Variants in RHBDD1 observed in about 807,000 individuals in gnomAD.
RHBDD1 encodes rhomboid domain containing 1, also known as rhomboid-related protein 4.
In RHBDD1, 38 loss-of-function variants were observed where a neutral mutation model predicts 36.3. The observed-to-expected ratio is 1.05, with a 90% CI of 0.81 to 1.37. The LOEUF is 1.37. Ranked by LOEUF, RHBDD1 falls within the 40% of genes most tolerant of loss-of-function variation. RHBDD1 has a pLI of 0.00. For missense variants in RHBDD1, 393 were observed against 377.6 expected (o/e 1.04, Z -0.34); for synonymous variants, 151 against 136.5 (o/e 1.11, Z -0.74).
rs1420792037 is a variant in RHBDD1 at position 226,914,270 on chromosome 2, A to G, written c.775A>G (p.Arg259Gly). Residue 259 changes from arginine to glycine, a missense_variant, in exon 8 of 9, where the codon AGG becomes GGG. Coordinates refer to ENST00000392062, the MANE Select transcript of RHBDD1 (RefSeq NM_001167608.3). Reference sequence around the variant, plus strand: ...GCCAGATCACTATGAAGAAGCACCCAGGAACTATGACACGTACACAGCAGG... The same window carrying G: ...GCCAGATCACTATGAAGAAGCACCCGGGAACTATGACACGTACACAGCAGG... Reference protein sequence around the residue: ...GRPDHYEEAPRNYDTYTAGLS... With the variant: ...GRPDHYEEAPGNYDTYTAGLS... The G allele has an allele frequency of 6.2e-7, 1 of 1,613,792 alleles. No homozygotes were observed. The highest frequency in any genetic ancestry group is 1.3e-5 in the African/African-American group (1 of 74,926).
Position 226,867,319 on chromosome 2 carries a change from G to GT in RHBDD1, c.566+2dup, listed in dbSNP as rs771923516. The GT allele has an allele frequency of 1.2e-6, 2 of 1,610,522 alleles. No individual in the cohort carries two copies. The highest frequency in any genetic ancestry group is 2.7e-5 in the African/African-American group (2 of 74,806). ...TGGCTATTCATTTATTCTCACCAGG[G>GT]TAAGTGTTTTCTTTTGGGGAATACA... On this transcript the variant is annotated splice_donor_variant, in intron 5 of 8. Transcript: ENST00000392062. LOFTEE classifies it high-confidence loss of function.
intron 3 of RHBDD1, among the ~76,000 whole-genome samples, chr2:226,841,509 G>C (rs146828381): frequency 6.6e-6 from 1 of 152,124 alleles, no homozygotes; most frequent in Non-Finnish European, 1.5e-5. Flanking sequence ...CTGTGTCCAT[G>C]TGTTCTCATC....
At chr2:226,971,952 T>C (rs1953603482) in intron 8 of RHBDD1, among the ~76,000 whole-genome samples, 1 of 152,002 alleles carries the variant, frequency 6.6e-6, no homozygotes, top group African/African-American at 2.4e-5. Context: ...TGGATACATG[T>C]GCAGAACATG....
intron 8 of RHBDD1, among the ~76,000 whole-genome samples, chr2:226,974,715 CTCTT>C (rs1487693543): frequency 1.3e-5 from 2 of 152,184 alleles, no homozygotes; most frequent in African/African-American, 2.4e-5. Context: ...CACCAGGATC[CTCTT>C]TAGTGTCCCG....
intron 8 of RHBDD1, chr2:226,914,677 A>G: frequency 6.0e-6 from 1 of 165,498 alleles, no homozygotes; most frequent in Non-Finnish European, 1.3e-5. Flanking sequence ...TTTGGAATTC[A>G]TATTTGTAAA....
intron 8 of RHBDD1, among the ~76,000 whole-genome samples, chr2:226,988,008 G>T (rs1172085361): frequency 1.3e-5 from 2 of 152,182 alleles, no homozygotes; most frequent in Non-Finnish European, 2.9e-5. Flanking sequence ...CTGCTAAAAA[G>T]CTGAGAATGG....
intron 5 of RHBDD1, among the ~76,000 whole-genome samples, chr2:226,892,541 T>C (rs758751431): frequency 6.6e-6 from 1 of 152,352 alleles, no homozygotes; most frequent in South Asian, 2.1e-4. Context: ...GTGAATCTTT[T>C]GAAATAAGTT....
Position 226,939,137 on chromosome 2 carries a change from TAAG to T in RHBDD1, c.856+24788_856+24790del, listed in dbSNP as rs573941778. Among the ~76,000 whole-genome samples, 12 of 152,132 alleles carry T rather than the reference TAAG, an allele frequency of 7.9e-5. No homozygotes were observed. The South Asian group carries it at 2.5e-3, about 32-fold the overall frequency. On this transcript the variant is annotated intron_variant, in intron 8 of 8. Coordinates refer to ENST00000392062, the MANE Select transcript of RHBDD1 (RefSeq NM_001167608.3). Reference sequence around the variant, plus strand: ...ATTGAAGAAACATACCTCCAAATAATAAGAGCCATATATTACAGACCCACAGCC... The same window carrying T: ...ATTGAAGAAACATACCTCCAAATAATAGCCATATATTACAGACCCACAGCC...
chr2:226,947,022 C>T (rs1375445199), intron 8 of RHBDD1, among the ~76,000 whole-genome samples: 1 of 152,148 alleles, frequency 6.6e-6, no homozygotes, highest in Non-Finnish European at 1.5e-5. Context: ...ATTCAGCATC[C>T]CTTCATGTTA....
chr2:226,866,232 C>T (rs1426811128), intron 4 of RHBDD1, among the ~76,000 whole-genome samples: 1 of 151,986 alleles, frequency 6.6e-6, no homozygotes, highest in African/African-American at 2.4e-5. Flanking sequence ...CCACCATGCC[C>T]AGCTAATTTT....
chr2:226,876,301 A>C (rs1945235336), intron 5 of RHBDD1, among the ~76,000 whole-genome samples: 3 of 152,184 alleles, frequency 2.0e-5, no homozygotes. Flanking sequence ...AGACAAGAGA[A>C]GAAACTGAAG....
intron 5 of RHBDD1, among the ~76,000 whole-genome samples, chr2:226,876,777 TA>T (rs890649738): frequency 1.6e-4 from 25 of 152,084 alleles, no homozygotes; most frequent in East Asian, 5.8e-4. Flanking sequence ...AACTAAGAAT[TA>T]AAAAAAATTA....
At chr2:226,831,024 T>C (rs1452000908), upstream of RHBDD1, among the ~76,000 whole-genome samples, 1 of 152,222 alleles carries the variant, frequency 6.6e-6, no homozygotes, top group Non-Finnish European at 1.5e-5. Context: ...CCTTCATACA[T>C]ATTGCCATAT....
chr2:226,829,107 T>G, the RHBDD1 span, among the ~76,000 whole-genome samples: 5 of 152,186 alleles, frequency 3.3e-5, no homozygotes, highest in African/African-American at 1.2e-4. Flanking sequence ...TTTTCAGACA[T>G]CCAACTCTGC....
At chr2:226,853,344 T>C (rs962306761) in intron 3 of RHBDD1, among the ~76,000 whole-genome samples, 3 of 152,184 alleles carry the variant, frequency 2.0e-5, no homozygotes, top group Non-Finnish European at 2.9e-5. Context: ...CAGCCTAGAA[T>C]TTTAGAAGAT....
At chr2:226,922,335 G>A (rs964068234) in intron 8 of RHBDD1, among the ~76,000 whole-genome samples, 7 of 150,618 alleles carry the variant, frequency 4.6e-5, no homozygotes, top group African/African-American at 1.5e-4. Context: ...AGCCTCCCGA[G>A]TAGCTGGGAC....
chr2:226,895,599 G>C, intron 5 of RHBDD1: 1 of 862,326 alleles, frequency 1.2e-6, no homozygotes, highest in African/African-American at 1.8e-5. Flanking sequence ...TTCTTGTCCA[G>C]TTATTTTGTG....
At chr2:226,938,439 GA>G (rs1264350184) in intron 8 of RHBDD1, among the ~76,000 whole-genome samples, 7 of 152,052 alleles carry the variant, frequency 4.6e-5, no homozygotes, top group Non-Finnish European at 8.8e-5. Flanking sequence ...TGATAAGGGG[GA>G]TATTGCCACT....
chr2:226,860,515 T>G (rs1943754473), intron 3 of RHBDD1, among the ~76,000 whole-genome samples: 1 of 152,192 alleles, frequency 6.6e-6, no homozygotes, highest in Non-Finnish European at 1.5e-5. Flanking sequence ...TCTGTCTTCC[T>G]TGGTGTTCCT....
Sources: allele counts gnomAD v4.1 joint callset (sites outside exome capture counted in the v4.1 genomes callset), GRCh38; gene constraint gnomAD v4.1.1; transcripts MANE v1.5; gene names NCBI Gene and HGNC (gene_info 2026-07-23, HGNC 2026-07-21).